The following SORCS3 variants were observed in gnomAD, a reference collection of about 807,000 sequenced individuals.
SORCS3 encodes sortilin related VPS10 domain containing receptor 3.
Under a neutral mutation model 146.3 loss-of-function variants are expected in SORCS3, and 57 were observed. The observed-to-expected ratio is 0.39, with a 90% CI of 0.31 to 0.49. The LOEUF (loss-of-function observed/expected upper bound fraction) is 0.49. SORCS3 is among the 20% of genes least tolerant of loss of function. The pLI, the probability that SORCS3 is intolerant of heterozygous loss-of-function variation, is 0.92. For synonymous variants in SORCS3, 653 were observed against 618.5 expected (o/e 1.06, Z -0.83); for missense variants, 1,341 against 1,575.5 (o/e 0.85, Z 2.52).
intron 1 of SORCS3, among the ~76,000 whole-genome samples, chr10:104,677,945 G>T (rs1477155871): frequency 6.6e-6 from 1 of 152,102 alleles, no homozygotes; most frequent in Non-Finnish European, 1.5e-5. Context: ...CCTCCCTTTT[G>T]CAGTGTTTTA....
At chr10:104,758,471 CA>C (rs2017084426) in intron 1 of SORCS3, among the ~76,000 whole-genome samples, 1 of 152,096 alleles carries the variant, frequency 6.6e-6, no homozygotes, top group African/African-American at 2.4e-5. Context: ...AGCCTTGAAC[CA>C]TAGATTAAGG....
chr10:104,666,272 CT>C (rs1268740684), intron 1 of SORCS3: 3 of 152,162 alleles, frequency 2.0e-5, no homozygotes, highest in Non-Finnish European at 2.9e-5. Flanking sequence ...ACAATCCCCC[CT>C]TTATGACATC....
chr10:104,647,149 T>G (rs534546072), intron 1 of SORCS3, among the ~76,000 whole-genome samples: 1 of 152,272 alleles, frequency 6.6e-6, no homozygotes, highest in South Asian at 2.1e-4. Context: ...GAACTTCGGT[T>G]TCTTAAATTC....
At chr10:105,083,663 T>C (rs2133735770) in intron 5 of SORCS3, among the ~76,000 whole-genome samples, 1 of 152,294 alleles carries the variant, frequency 6.6e-6, no homozygotes, top group South Asian at 2.1e-4. Context: ...GCAAAAATCT[T>C]CAGTCACTAC....
At chr10:105,095,891 C>G (rs1052829002) in intron 6 of SORCS3, among the ~76,000 whole-genome samples, 39 of 152,126 alleles carry the variant, frequency 2.6e-4, no homozygotes, top group African/African-American at 9.4e-4. Context: ...GGAACAGAAG[C>G]AAGATCTGCT....
intron 4 of SORCS3, among the ~76,000 whole-genome samples, chr10:105,016,598 A>G (rs1291836471): frequency 6.6e-6 from 1 of 152,134 alleles, no homozygotes; most frequent in East Asian, 1.9e-4. Context: ...AATAGCTGTC[A>G]ATTTTATAAC....
At chr10:104,681,852 A>C (rs1039920069) in intron 1 of SORCS3, among the ~76,000 whole-genome samples, 1 of 152,002 alleles carries the variant, frequency 6.6e-6, no homozygotes, top group Admixed American at 6.5e-5. Context: ...TTTTACTTAA[A>C]TGTGTCTTCT....
chr10:105,042,546 T>C (rs115791012), intron 4 of SORCS3, among the ~76,000 whole-genome samples: 1,941 of 152,084 alleles, frequency 0.013, 25 homozygotes, highest in African/African-American at 0.034. Flanking sequence ...AAAAAGTAAG[T>C]GAACATGGAA....
At chr10:104,697,785 G>A (rs1398199115) in intron 1 of SORCS3, among the ~76,000 whole-genome samples, 2 of 152,160 alleles carry the variant, frequency 1.3e-5, no homozygotes, top group East Asian at 1.9e-4. Flanking sequence ...AGCATTGAAT[G>A]TGATCACTTA....
chr10:104,870,680 T>G (rs2018510259), intron 2 of SORCS3, among the ~76,000 whole-genome samples: 1 of 151,874 alleles, frequency 6.6e-6, no homozygotes, highest in South Asian at 2.1e-4. Context: ...GAGAAATGGC[T>G]CACTTGGAGA....
At chr10:104,794,881 G>A (rs1344612695) in intron 1 of SORCS3, among the ~76,000 whole-genome samples, 3 of 152,140 alleles carry the variant, frequency 2.0e-5, no homozygotes, top group Non-Finnish European at 4.4e-5. Flanking sequence ...AGGAGGAGTA[G>A]CCTGCTTTCC....
chr10:105,088,589 T>G (rs1356583397), intron 5 of SORCS3, among the ~76,000 whole-genome samples: 2 of 152,154 alleles, frequency 1.3e-5, no homozygotes, highest in South Asian at 2.1e-4. Context: ...CAGCCTTAAT[T>G]TCTTAAACAG....
chr10:104,955,679 G>A (rs545549071), intron 3 of SORCS3, among the ~76,000 whole-genome samples: 8 of 152,156 alleles, frequency 5.3e-5, no homozygotes, highest in Non-Finnish European at 1.2e-4. Flanking sequence ...GTGGAGATGA[G>A]TATTGCTGAA....
intron 4 of SORCS3, among the ~76,000 whole-genome samples, chr10:105,016,054 T>C (rs1217680059): frequency 1.3e-5 from 2 of 148,998 alleles, no homozygotes; most frequent in Admixed American, 6.7e-5. Flanking sequence ...TAACTTTTGG[T>C]GGTAGGATCA....
chr10:104,781,120 G>T (rs1417860579), intron 1 of SORCS3, among the ~76,000 whole-genome samples: 1 of 152,220 alleles, frequency 6.6e-6, no homozygotes, highest in East Asian at 1.9e-4. Flanking sequence ...CTGTAGGCAG[G>T]TGTAGTAGTA....
intron 19 of SORCS3, 53 bp downstream of exon 19, chr10:105,217,175 C>T (rs2056670613): frequency 1.3e-6 from 2 of 1,585,048 alleles, no homozygotes; most frequent in African/African-American, 1.3e-5. Flanking sequence ...TGGCAACTTG[C>T]TCTGTTCAGA....
chr10:105,215,948 G>A (rs1286066762), intron 18 of SORCS3, among the ~76,000 whole-genome samples: 1 of 128,598 alleles, frequency 7.8e-6, no homozygotes, highest in Non-Finnish European at 1.6e-5. Flanking sequence ...AGTGCATTGT[G>A]TTGATCCAAA....
chr10:104,977,473 G>A lies in SORCS3; in HGVS notation c.934G>A (p.Ala312Thr), dbSNP rs553069289. 1.4e-5 allele frequency: 23 copies of A among 1,610,196 alleles called. No homozygotes were observed. The highest frequency in any genetic ancestry group is 1.9e-5 in the Non-Finnish European group (22 of 1,178,726). ...FHPKQEDWVL[A>T]YSLDQKLYSS... ...TCCCAAGCAAGAGGACTGGGTGCTG[G>A]CCTACAGTTTGGATCAAAAGGTGAA... The change falls in exon 4 of 27, where the codon GCC becomes ACC. Residue 312 changes from alanine to threonine, a missense_variant. Physicochemically the swap from Ala to Thr is moderately conservative, Grantham distance 58. Transcript: ENST00000369701.
chr10:105,093,662 A>C (rs952539947), intron 6 of SORCS3, among the ~76,000 whole-genome samples: 1 of 152,182 alleles, frequency 6.6e-6, no homozygotes, highest in African/African-American at 2.4e-5. Flanking sequence ...CATTAGGGAA[A>C]TGCAAATTAA....
Sources: allele counts gnomAD v4.1 joint callset (sites outside exome capture counted in the v4.1 genomes callset), GRCh38; gene constraint gnomAD v4.1.1; transcripts MANE v1.5; gene names NCBI Gene and HGNC (gene_info 2026-07-23, HGNC 2026-07-21).